Variants in PHLPP1 observed in about 807,000 individuals in gnomAD.
PHLPP1 encodes PH domain and leucine rich repeat protein phosphatase 1.
PHLPP1 carries 42 observed loss-of-function variants against 117.2 expected under a neutral mutation model. That is an observed-to-expected ratio of 0.36 (90% confidence interval 0.28 to 0.46). The LOEUF is 0.46. Among genes scored for constraint, PHLPP1 ranks in the 20% least tolerant of loss-of-function variants. The pLI is 1.00. For missense variants in PHLPP1, 2,084 were observed against 2,241.9 expected, an observed-to-expected ratio of 0.93 and a Z score of 1.42; for synonymous variants, 1,042 against 970.7, an observed-to-expected ratio of 1.07 and a Z score of -1.37.
At chr18:62,732,991 G>C (rs1296277830) in intron 1 of PHLPP1, among the ~76,000 whole-genome samples, 3 of 152,214 alleles carry the variant, frequency 2.0e-5, no homozygotes, top group Non-Finnish European at 4.4e-5. Flanking sequence ...TCTTGAGAAG[G>C]AATCTACTAC....
intron 1 of PHLPP1, among the ~76,000 whole-genome samples, chr18:62,736,343 T>C (rs112238174): frequency 3.7e-4 from 56 of 151,928 alleles, no homozygotes; most frequent in African/African-American, 1.2e-3. Flanking sequence ...AGAGTAGAAG[T>C]TGAAGGAGGT....
chr18:62,891,955 A>G (rs1916427347), intron 4 of PHLPP1, among the ~76,000 whole-genome samples: 1 of 151,310 alleles, frequency 6.6e-6, no homozygotes, highest in Non-Finnish European at 1.5e-5. Context: ...TTAGACAGTA[A>G]TAAAGCATAT....
At chr18:62,885,723 T>A (rs2144388903) in intron 4 of PHLPP1, among the ~76,000 whole-genome samples, 1 of 152,334 alleles carries the variant, frequency 6.6e-6, no homozygotes, top group South Asian at 2.1e-4. Context: ...GGAAGTTGGA[T>A]GCATGAATTT....
intron 15 of PHLPP1, 101 bp from the exon 16 acceptor site, chr18:62,975,296 T>C: frequency 1.3e-6 from 1 of 756,864 alleles, no homozygotes; most frequent in Non-Finnish European, 2.3e-6. Context: ...CCCAGCTGTC[T>C]CCTTCCTGGC....
At chr18:62,862,144 A>G (rs868846547) in intron 4 of PHLPP1, among the ~76,000 whole-genome samples, 1 of 151,714 alleles carries the variant, frequency 6.6e-6, no homozygotes, top group Admixed American at 6.6e-5. Flanking sequence ...TGGTGGCACA[A>G]TCTCGGCTCA....
intron 1 of PHLPP1, among the ~76,000 whole-genome samples, chr18:62,806,189 T>C (rs1599057150): frequency 6.6e-6 from 1 of 152,214 alleles, no homozygotes; most frequent in East Asian, 1.9e-4. Flanking sequence ...CTGTGATGTA[T>C]GTATAAACAC....
chr18:62,949,557 T>C (rs896369160), intron 12 of PHLPP1, among the ~76,000 whole-genome samples: 7 of 152,204 alleles, frequency 4.6e-5, no homozygotes, highest in Admixed American at 2.6e-4. Flanking sequence ...AAAAATAAAA[T>C]GAGTTTTTCA....
intron 12 of PHLPP1, among the ~76,000 whole-genome samples, chr18:62,955,472 G>A (rs769364789): frequency 6.6e-6 from 1 of 152,116 alleles, no homozygotes; most frequent in Admixed American, 6.6e-5. Context: ...AGAGCCCTCC[G>A]GGGGAAATGG....
chr18:62,793,901 A>G (rs1401963608), intron 1 of PHLPP1, among the ~76,000 whole-genome samples: 1 of 152,120 alleles, frequency 6.6e-6, no homozygotes, highest in African/African-American at 2.4e-5. Context: ...AATTTCCTTT[A>G]TGTTCAATCC....
chr18:62,858,274 T>C (rs1326252892), intron 3 of PHLPP1, among the ~76,000 whole-genome samples: 1 of 151,490 alleles, frequency 6.6e-6, no homozygotes, highest in Non-Finnish European at 1.5e-5. Context: ...TTTTTTTTTT[T>C]TTTTTTGAGA....
intron 1 of PHLPP1, among the ~76,000 whole-genome samples, chr18:62,792,868 C>CAAAAA (rs71160870): frequency 1.8e-5 from 1 of 56,842 alleles, no homozygotes; most frequent in Non-Finnish European, 3.3e-5. Flanking sequence ...GCCTCTGTCT[C>CAAAAA]AAAAAAAAAA....
At chr18:62,731,750 TAA>T (rs1266463842) in intron 1 of PHLPP1, among the ~76,000 whole-genome samples, 3 of 152,172 alleles carry the variant, frequency 2.0e-5, no homozygotes, top group African/African-American at 7.2e-5. Context: ...TGAAGGAAAT[TAA>T]AAGTGCTACT....
At chr18:62,761,870 A>G (rs1027455217) in intron 1 of PHLPP1, among the ~76,000 whole-genome samples, 6 of 151,978 alleles carry the variant, frequency 3.9e-5, no homozygotes, top group Non-Finnish European at 5.9e-5. Context: ...CAGCCTCTCA[A>G]AGTGTTGGGA....
chr18:62,874,270 G>A (rs1360857438), intron 4 of PHLPP1, among the ~76,000 whole-genome samples: 1 of 152,054 alleles, frequency 6.6e-6, no homozygotes, highest in Non-Finnish European at 1.5e-5. Flanking sequence ...CACTTTGGGA[G>A]GCCAAGGCAG....
chr18:62,747,877 A>G (rs564014702), intron 1 of PHLPP1, among the ~76,000 whole-genome samples: 1 of 152,316 alleles, frequency 6.6e-6, no homozygotes, highest in Non-Finnish European at 1.5e-5. Context: ...GTTTTCAAAT[A>G]CATCAGAATT....
chr18:62,895,045 A>G lies in PHLPP1; in HGVS notation c.2101A>G (p.Asn701Asp), dbSNP rs753885588. 2.9e-5 allele frequency: 47 copies of G among 1,612,400 alleles called. No homozygotes were observed. The highest frequency in any genetic ancestry group is 3.8e-5 in the Non-Finnish European group (45 of 1,179,006). Residue 701 changes from asparagine to aspartate, a missense_variant, in exon 5 of 17, where the codon AAT (asparagine) becomes GAT (aspartate). Asn to Asp is a conservative substitution (Grantham distance 23). Around this residue, in one of 2 missense-constraint regions of PHLPP1, gnomAD observed 1,365 missense variants for 1,605.9 expected, o/e 0.85. Transcript: ENST00000262719. ...TKLKSLNLSNNHLGDFPLAVC... is the reference protein window; with the variant it reads ...TKLKSLNLSNDHLGDFPLAVC... ...GTTGAAGAGTCTTAACCTTTCCAATAATCATTTAGGGGACTTCCCACTGGC... is the reference window on the plus strand; with the variant it reads ...GTTGAAGAGTCTTAACCTTTCCAATGATCATTTAGGGGACTTCCCACTGGC...
chr18:62,912,239 A>T (rs965420265), intron 8 of PHLPP1, among the ~76,000 whole-genome samples: 5 of 150,468 alleles, frequency 3.3e-5, no homozygotes, highest in Admixed American at 2.6e-4. Context: ...CTAGCATGGG[A>T]CATGTATACA....
chr18:62,920,193 C>G, intron 10 of PHLPP1, 79 bp downstream of exon 10: 2 of 1,297,234 alleles, frequency 1.5e-6, no homozygotes, highest in Non-Finnish European at 2.2e-6. Flanking sequence ...TGACCTGAGA[C>G]TGTATAAACT....
chr18:62,783,518 A>G (rs548119388), intron 1 of PHLPP1, among the ~76,000 whole-genome samples: 20 of 151,670 alleles, frequency 1.3e-4, no homozygotes, highest in South Asian at 4.2e-4. Flanking sequence ...GTGAGCCACC[A>G]CACCCAGCCC....
Sources: allele counts gnomAD v4.1 joint callset (sites outside exome capture counted in the v4.1 genomes callset), GRCh38; gene constraint gnomAD v4.1.1; regional missense constraint gnomAD v4.1.1; transcripts MANE v1.5; gene names NCBI Gene and HGNC (gene_info 2026-07-23, HGNC 2026-07-21).